INPP4A: variants seen among roughly 807,000 people sequenced by gnomAD.
INPP4A encodes the protein inositol polyphosphate-4-phosphatase, type I, 107kD.
Under a neutral mutation model 119.8 loss-of-function variants are expected in INPP4A, and 33 were observed. The ratio of observed to expected loss-of-function variants is 0.28; its 90% CI spans 0.21 to 0.37. The LOEUF (loss-of-function observed/expected upper bound fraction) is 0.37. Among genes scored for constraint, INPP4A ranks in the 10% least tolerant of loss-of-function variants. The probability of loss-of-function intolerance (pLI) is 1.00; values close to 1 mark genes in which losing one functional copy is unlikely to be tolerated. For synonymous variants in INPP4A, 496 were observed against 500.7 expected (o/e 0.99, Z 0.12); for missense variants, 956 against 1,289.9 (o/e 0.74, Z 3.97).
At position 98,543,877 on chromosome 2, in the gene INPP4A, A is replaced by T. The variant is rs1691990449; in HGVS notation, c.819A>T (p.Arg273Ser). 2 of 1,613,300 alleles carry T rather than the reference A, an allele frequency of 1.2e-6. No individual in the cohort carries two copies. The highest frequency in any genetic ancestry group is 1.7e-6 in the Non-Finnish European group (2 of 1,179,516). The change falls in exon 11 of 25, where the codon AGA becomes AGT. Residue 273 changes from arginine to serine, a missense_variant and splice_region_variant. Coordinates refer to ENST00000409851, the MANE Select transcript of INPP4A (RefSeq NM_001134225.2). Reference protein sequence around the residue: ...VKLLLEEDAARVCELEELGEL... With the variant: ...VKLLLEEDAASVCELEELGEL... ...TGATGCATCTGTGTCTTGCTTTCAG[A>T]GTGTGTGAGCTGGAGGAGCTGGGAG...
chr2:98,466,905 C>A (rs1268021025), intron 1 of INPP4A, among the ~76,000 whole-genome samples: 1 of 152,124 alleles, frequency 6.6e-6, no homozygotes, highest in Non-Finnish European at 1.5e-5. Flanking sequence ...TTTTTCTTTT[C>A]CTCTTGGATG....
At chr2:98,582,563 A>C (rs1324994696) in intron 24 of INPP4A, among the ~76,000 whole-genome samples, 1 of 151,318 alleles carries the variant, frequency 6.6e-6, no homozygotes, top group African/African-American at 2.4e-5. Context: ...CACCTACTCC[A>C]TACGCCAGAC....
At chr2:98,523,116 A>C (rs982166893) in intron 4 of INPP4A, among the ~76,000 whole-genome samples, 1 of 152,218 alleles carries the variant, frequency 6.6e-6, no homozygotes, top group Non-Finnish European at 1.5e-5. Context: ...ATGGTTCTTA[A>C]TGAGTAATAT....
chr2:98,548,078 G>T (rs3754879), intron 13 of INPP4A, among the ~76,000 whole-genome samples: 34,811 of 152,056 alleles, frequency 0.23, 4,185 homozygotes, highest in Middle Eastern at 0.35. Flanking sequence ...AGTGGCTGAG[G>T]GGGTCAGGGA....
At chr2:98,538,096 G>A in intron 8 of INPP4A, 122 bp downstream of exon 8, 1 of 660,196 alleles carries the variant, frequency 1.5e-6, no homozygotes, top group Non-Finnish European at 2.7e-6. Context: ...GCTTGATGCT[G>A]CTCCCCACGG....
At chr2:98,492,685 G>A (rs1216134139) in intron 1 of INPP4A, among the ~76,000 whole-genome samples, 1 of 152,232 alleles carries the variant, frequency 6.6e-6, no homozygotes, top group Non-Finnish European at 1.5e-5. Flanking sequence ...AGCAGGAGCT[G>A]GCTCTAGAAA....
chr2:98,488,156 G>T (rs1412777209), intron 1 of INPP4A, among the ~76,000 whole-genome samples: 2 of 152,126 alleles, frequency 1.3e-5, no homozygotes, highest in Admixed American at 1.3e-4. Flanking sequence ...ATTGTGGGTT[G>T]TTTGATTTTT....
intron 1 of INPP4A, among the ~76,000 whole-genome samples, chr2:98,477,541 G>A (rs1045461213): frequency 3.3e-5 from 5 of 152,226 alleles, no homozygotes; most frequent in Non-Finnish European, 4.4e-5. Flanking sequence ...CAATGTCGGC[G>A]AGTCTTGGGC....
intron 1 of INPP4A, among the ~76,000 whole-genome samples, chr2:98,508,507 G>A (rs1424405289): frequency 3.3e-5 from 5 of 152,180 alleles, no homozygotes; most frequent in South Asian, 2.1e-4. Context: ...CACAGGTCAC[G>A]GGGAAGCCCG....
intron 16 of INPP4A, among the ~76,000 whole-genome samples, chr2:98,557,151 C>T (rs1397723273): frequency 6.6e-6 from 1 of 152,046 alleles, no homozygotes; most frequent in Non-Finnish European, 1.5e-5. Context: ...TTTCTAGGCA[C>T]ATCCTGTATT....
At chr2:98,587,370 CT>C (rs574959940) in intron 24 of INPP4A, 105 bp from the exon 25 acceptor site, 151 of 1,181,886 alleles carry the variant, frequency 1.3e-4, no homozygotes, top group South Asian at 2.7e-4. Context: ...TTAAATTAAT[CT>C]TTTTTTTAAT....
intron 13 of INPP4A, among the ~76,000 whole-genome samples, chr2:98,548,126 G>A (rs1290982172): frequency 1.4e-5 from 2 of 142,432 alleles, no homozygotes; most frequent in Admixed American, 1.4e-4. Context: ...GCAAGGCTGA[G>A]CAGGGAACGG....
At chr2:98,563,075 G>A (rs1320100147) in intron 17 of INPP4A, among the ~76,000 whole-genome samples, 3 of 152,212 alleles carry the variant, frequency 2.0e-5, no homozygotes, top group Non-Finnish European at 4.4e-5. Context: ...TCCTCTCCGG[G>A]TGGAGGTGCT....
In INPP4A at chr2:98,533,421, A is replaced by G. The variant is rs1689630630; in HGVS notation, c.196A>G (p.Ser66Gly). The G allele has an allele frequency of 5.0e-6, 8 of 1,613,732 alleles. No individual in the cohort carries two copies. The highest frequency in any genetic ancestry group is 6.8e-6 in the Non-Finnish European group (8 of 1,179,832). ...TCCATCGCTAGATCGAAAGCCAAAT[A>G]GTTTTGTTGCGGTGAGTGTCACCAC... Reference protein sequence around the residue: ...HTPSLDRKPNSFVAVSVTTPP... With the variant: ...HTPSLDRKPNGFVAVSVTTPP... Residue 66 changes from serine (S) to glycine (G), a missense_variant, in exon 5 of 25, where the codon AGT (serine) becomes GGT (glycine). Ser to Gly is a moderately conservative substitution (Grantham distance 56). Around this residue, in one of 2 missense-constraint regions of INPP4A, gnomAD observed 652 missense variants for 797.9 expected, o/e 0.82. Transcript: ENST00000409851.
intron 1 of INPP4A, among the ~76,000 whole-genome samples, chr2:98,496,641 GA>G (rs1301851822): frequency 6.6e-6 from 1 of 152,158 alleles, no homozygotes; most frequent in East Asian, 1.9e-4. Context: ...GTTAACATCA[GA>G]AACATACAAG....
intron 21 of INPP4A, among the ~76,000 whole-genome samples, chr2:98,567,553 C>T (rs1696692644): frequency 1.3e-5 from 2 of 152,162 alleles, no homozygotes; most frequent in African/African-American, 2.4e-5. Flanking sequence ...CCAGTAGCTG[C>T]GGATCCCACA....
In INPP4A at chr2:98,565,649, T is replaced by C; in HGVS notation, c.2162T>C (p.Leu721Pro). 1 of 1,607,590 alleles carries C rather than the reference T, an allele frequency of 6.2e-7. No individual in the cohort carries two copies. Among genetic ancestry groups the C allele is most frequent in the Non-Finnish European group, 8.5e-7 (1 of 1,175,020 alleles). The change falls in exon 20 of 25, where the codon CTG becomes CCG. Residue 721 changes from leucine (L) to proline (P), a missense_variant. Around this residue, in one of 2 missense-constraint regions of INPP4A, gnomAD observed 304 missense variants for 492.1 expected, o/e 0.62. Transcript: ENST00000409851. ...ESLLSTYGEE[L>P]AMLEDMSLGI... ...CCTCTCTCATGTCCAGGGGAGGAGC[T>C]GGCAATGCTGGAGGACATGAGCCTT... is the stretch of plus-strand genomic sequence containing the variant.
rs1700490874 is a variant in INPP4A at position 98,593,560 on chromosome 2, T to A, written c.*5952T>A. ...CTTATATGGTAGTGACTCCTAAATTTCTAGGTCCATCCCAGACTCTCCCCC... is the reference window on the plus strand; with the variant it reads ...CTTATATGGTAGTGACTCCTAAATTACTAGGTCCATCCCAGACTCTCCCCC... On this transcript the variant is annotated 3_prime_UTR_variant, in exon 25 of 25. Transcript: ENST00000409851. 1 of 152,196 alleles carries A rather than the reference T, an allele frequency of 6.6e-6. No homozygotes were observed. Among genetic ancestry groups the A allele is most frequent in the Non-Finnish European group, 1.5e-5 (1 of 68,052 alleles). 9.4% of individuals were successfully genotyped at this position (152,196 alleles called of 1,614,324 possible). A position where few individuals can be genotyped will look rare whatever the true frequency, so the allele number is the denominator to read the frequency against.
At chr2:98,473,874 G>A (rs1440700595) in intron 1 of INPP4A, among the ~76,000 whole-genome samples, 1 of 152,134 alleles carries the variant, frequency 6.6e-6, no homozygotes, top group African/African-American at 2.4e-5. Context: ...TCTGTTTGAG[G>A]GCATTACATA....
Sources: allele counts gnomAD v4.1 joint callset (sites outside exome capture counted in the v4.1 genomes callset), GRCh38; gene constraint gnomAD v4.1.1; regional missense constraint gnomAD v4.1.1; transcripts MANE v1.5; gene names NCBI Gene and HGNC (gene_info 2026-07-23, HGNC 2026-07-21).